DPP10: variants seen among roughly 807,000 people sequenced by gnomAD.
The protein encoded by DPP10 is inactive dipeptidyl peptidase 10.
Under a neutral mutation model 120.9 loss-of-function variants are expected in DPP10, and 33 were observed. That is an observed-to-expected ratio of 0.27 (90% CI 0.21 to 0.37). DPP10 has a LOEUF of 0.37. DPP10 is among the 10% of genes least tolerant of loss of function. DPP10 has a pLI of 1.00. For synonymous variants in DPP10, 337 were observed against 326.1 expected (o/e 1.03, Z -0.36); for missense variants, 816 against 942.8 (o/e 0.87, Z 1.76).
chr2:115,577,877 T>C (rs180754595), intron 5 of DPP10, among the ~76,000 whole-genome samples: 30 of 152,318 alleles, frequency 2.0e-4, no homozygotes, highest in Non-Finnish European at 4.4e-4. Context: ...TTAAAGACCC[T>C]GTATCTAAAT....
At chr2:115,559,917 A>G (rs2080455501) in intron 5 of DPP10, among the ~76,000 whole-genome samples, 2 of 152,136 alleles carry the variant, frequency 1.3e-5, no homozygotes, top group African/African-American at 2.4e-5. Context: ...GACATTGTCT[A>G]CCAAGCTTCC....
chr2:115,708,372 A>C (rs1009578495), intron 7 of DPP10, among the ~76,000 whole-genome samples: 12 of 152,118 alleles, frequency 7.9e-5, no homozygotes, highest in Admixed American at 2.6e-4. Context: ...CTATTAAAAG[A>C]CCGTGGTAAG....
intron 1 of DPP10, among the ~76,000 whole-genome samples, chr2:115,189,721 G>A (rs1426735277): frequency 2.6e-5 from 4 of 152,100 alleles, no homozygotes; most frequent in Non-Finnish European, 4.4e-5. Context: ...TTAATAATGT[G>A]GAGGACGTTT....
chr2:115,003,542 A>C (rs1701598870), intron 1 of DPP10, among the ~76,000 whole-genome samples: 1 of 152,172 alleles, frequency 6.6e-6, no homozygotes, highest in South Asian at 2.1e-4. Context: ...ACCAAAAAAA[A>C]ACAAACAGAA....
chr2:115,025,319 C>A (rs929480865), intron 1 of DPP10, among the ~76,000 whole-genome samples: 1 of 152,110 alleles, frequency 6.6e-6, no homozygotes, highest in Non-Finnish European at 1.5e-5. Flanking sequence ...CATGTTACTT[C>A]AAATGACAGG....
chr2:114,712,992 CT>C (rs70937300), intron 1 of DPP10, among the ~76,000 whole-genome samples: 6,924 of 132,568 alleles, frequency 0.052, 116 homozygotes, highest in Middle Eastern at 0.076. Flanking sequence ...TAACCAAATT[CT>C]TTTTTTTTTT....
At chr2:114,817,551 C>T (rs1441111373) in intron 1 of DPP10, among the ~76,000 whole-genome samples, 6 of 152,038 alleles carry the variant, frequency 3.9e-5, no homozygotes, top group Non-Finnish European at 8.8e-5. Flanking sequence ...GAGTTCTGGC[C>T]GTAGAGAAAT....
chr2:115,811,779 C>G (rs988927213), intron 19 of DPP10, among the ~76,000 whole-genome samples: 2 of 151,994 alleles, frequency 1.3e-5, no homozygotes, highest in Admixed American at 6.6e-5. Context: ...TTTCATTGGT[C>G]CATCTAGAAA....
intron 1 of DPP10, among the ~76,000 whole-genome samples, chr2:114,866,999 C>A (rs1690291852): frequency 6.6e-6 from 1 of 152,204 alleles, no homozygotes; most frequent in Non-Finnish European, 1.5e-5. Context: ...CTTGACCTGA[C>A]ATATAGCCAT....
intron 1 of DPP10, among the ~76,000 whole-genome samples, chr2:114,487,132 T>C (rs902111074): frequency 2.6e-5 from 4 of 152,228 alleles, no homozygotes; most frequent in Non-Finnish European, 5.9e-5. Context: ...GCTAATACTG[T>C]TGTAAATACC....
At chr2:114,687,168 A>G (rs72955645) in intron 1 of DPP10, among the ~76,000 whole-genome samples, 4 of 151,942 alleles carry the variant, frequency 2.6e-5, no homozygotes. Flanking sequence ...AGGAGCAGAC[A>G]TTGGTTGGCT....
intron 1 of DPP10, among the ~76,000 whole-genome samples, chr2:115,078,177 C>T (rs79400995): frequency 0.012 from 1,829 of 152,134 alleles, 30 homozygotes; most frequent in African/African-American, 0.035. Flanking sequence ...ATTTTTAATG[C>T]CTATTAAATA....
intron 1 of DPP10, among the ~76,000 whole-genome samples, chr2:114,506,121 A>G (rs2104547818): frequency 6.6e-6 from 1 of 152,296 alleles, no homozygotes; most frequent in South Asian, 2.1e-4. Context: ...GAGAACATAC[A>G]TACCTGTTTT....
In DPP10 at chr2:114,988,481, TATC is replaced by T. The variant is rs1256727595; in HGVS notation, c.61-320755_61-320753del. On this transcript the variant is annotated intron_variant, in intron 1 of 25. Coordinates refer to ENST00000410059, the MANE Select transcript of DPP10 (RefSeq NM_020868.6). Reference sequence around the variant, plus strand: ...CTCTTCAGGACCTTACCCCATAAATTATCATTTTTTTTCTCATCTACTGCTAAT... The same window carrying T: ...CTCTTCAGGACCTTACCCCATAAATTATTTTTTTTCTCATCTACTGCTAAT... 2.0e-5 allele frequency among the ~76,000 whole-genome samples: 3 copies of T among 152,122 alleles called. No individual in the cohort carries two copies. In the East Asian group the frequency reaches 5.8e-4, roughly 29 times the overall value.
chr2:115,548,027 A>C (rs1052174881), intron 5 of DPP10, among the ~76,000 whole-genome samples: 1 of 152,196 alleles, frequency 6.6e-6, no homozygotes, highest in African/African-American at 2.4e-5. Flanking sequence ...AACCTTGATT[A>C]GCTAGAAGAA....
chr2:115,315,241 A>G (rs2061736399), intron 2 of DPP10, among the ~76,000 whole-genome samples: 1 of 151,764 alleles, frequency 6.6e-6, no homozygotes, highest in Admixed American at 6.6e-5. Flanking sequence ...AAAAATATTC[A>G]TATGCCTGCA....
Position 114,946,168 on chromosome 2 carries a change from C to A in DPP10, c.61-363071C>A, listed in dbSNP as rs10178498. 3.2e-3 allele frequency among the ~76,000 whole-genome samples: 481 copies of A among 152,184 alleles called. 1 individual carries two copies. Among genetic ancestry groups the A allele is most frequent in the African/African-American group, 0.011 (470 of 41,530 alleles). ...TTAGGTATAAAACTAAGAAAATCAG[C>A]GTAAAGTATGGACTTTGCTAAACAA... On this transcript the variant is annotated intron_variant, in intron 1 of 25. Coordinates refer to ENST00000410059, the MANE Select transcript of DPP10 (RefSeq NM_020868.6).
intron 4 of DPP10, among the ~76,000 whole-genome samples, chr2:115,505,423 AT>A (rs1296442652): frequency 6.6e-6 from 1 of 152,034 alleles, no homozygotes; most frequent in East Asian, 1.9e-4. Context: ...TCCAGTGTTG[AT>A]TTTTTTAGAA....
Position 115,227,907 on chromosome 2 carries a change from C to G in DPP10, c.61-81332C>G, listed in dbSNP as rs540879876. 6.9e-4 allele frequency among the ~76,000 whole-genome samples: 97 copies of G among 140,318 alleles called. 1 individual carries two copies. Among genetic ancestry groups the G allele is most frequent in the Middle Eastern group, 7.5e-3 (2 of 266 alleles). The allele number at this position is 140,318 out of a possible 152,430, so 92.1% of individuals were successfully genotyped here. On this transcript the variant is annotated intron_variant, in intron 1 of 25. Coordinates refer to ENST00000410059, the MANE Select transcript of DPP10 (RefSeq NM_020868.6). ...AGTTGTATATATTTATGAGATACATCCGATTTCTTTTTTTTCCTTTTTTTT... is the reference window on the plus strand; with the variant it reads ...AGTTGTATATATTTATGAGATACATGCGATTTCTTTTTTTTCCTTTTTTTT...
Sources: gnomAD v4.1 joint callset for allele counts (sites outside exome capture counted in the v4.1 genomes callset) on GRCh38, gnomAD v4.1.1 for gene constraint, MANE v1.5 for transcripts, NCBI Gene and HGNC (gene_info 2026-07-23, HGNC 2026-07-21) for gene names.